Variants in RNF6 observed in about 807,000 individuals in gnomAD.
The protein encoded by RNF6 is ring finger protein 6.
Under a neutral mutation model 50.1 loss-of-function variants are expected in RNF6, and 21 were observed. That is an observed-to-expected ratio of 0.42 (90% CI 0.30 to 0.60). The LOEUF (loss-of-function observed/expected upper bound fraction) is 0.60. Ranked by LOEUF, RNF6 falls within the 20% of genes least tolerant of loss-of-function variation. The pLI is 0.20. For synonymous variants in RNF6, 255 were observed against 291.8 expected, an observed-to-expected ratio of 0.87 and a Z score of 1.29; for missense variants, 698 against 838.2, an observed-to-expected ratio of 0.83 and a Z score of 2.07.
At position 26,180,011 on chromosome 13, in the gene RNF6, G is replaced by A. The variant is rs887697498; in HGVS notation, n.768+35463C>T. Among the ~76,000 whole-genome samples, 8 of 152,170 alleles carry A rather than the reference G, an allele frequency of 5.3e-5. No homozygotes were observed. In the South Asian group the frequency reaches 6.2e-4, roughly 12 times the overall value. ...GCGACCCTGCTTCTGGGCCTCTTCC[G>A]CTTGTGTCCCTATAAGCCTGAGGTG... On this transcript the variant is annotated intron_variant and non_coding_transcript_variant, in intron 5 of 5. Coordinates refer to the RNF6 transcript ENST00000468480.
chr13:26,218,625 G>A lies in RNF6; in HGVS notation c.194-19C>T, dbSNP rs1465289605. On this transcript the variant is annotated intron_variant, in intron 3 of 4. Transcript: ENST00000381588. Reference sequence around the variant, plus strand: ...ATTTCTCCTAAAACAATGAAAAACTGCTCATTTAAGAATTCTGAATTAAGT... The same window carrying A: ...ATTTCTCCTAAAACAATGAAAAACTACTCATTTAAGAATTCTGAATTAAGT... 1 of 1,594,966 alleles carries A rather than the reference G, an allele frequency of 6.3e-7. No homozygotes were observed. The highest frequency in any genetic ancestry group is 8.6e-7 in the Non-Finnish European group (1 of 1,163,208).
chr13:26,188,301 C>T (rs934636746), intron 5 of RNF6, among the ~76,000 whole-genome samples: 11 of 152,158 alleles, frequency 7.2e-5, no homozygotes, highest in Non-Finnish European at 1.5e-4. Context: ...CAATATCCCT[C>T]CCCTTCTACC....
At chr13:26,138,301 CA>C (rs1021487972) in intron 5 of RNF6, among the ~76,000 whole-genome samples, 4 of 152,160 alleles carry the variant, frequency 2.6e-5, no homozygotes, top group African/African-American at 9.6e-5. Context: ...CCCAAATAAA[CA>C]AAAACTGAGA....
rs1869502415 is a variant in RNF6 at position 26,213,819 on chromosome 13, T to C, written c.*5A>G. Reference sequence around the variant, plus strand: ...AAAAACAGTATTTGAGTAGATCCCATCACCTTACCCATTGTTTGCTATGTT... The same window carrying C: ...AAAAACAGTATTTGAGTAGATCCCACCACCTTACCCATTGTTTGCTATGTT... On this transcript the variant is annotated 3_prime_UTR_variant, in exon 5 of 5. Transcript: ENST00000381588. 19 of 1,591,458 alleles carry C rather than the reference T, an allele frequency of 1.2e-5. No homozygotes were observed. Among genetic ancestry groups the C allele is most frequent in the Non-Finnish European group, 1.6e-5 (19 of 1,166,702 alleles).
chr13:26,181,351 G>A (rs1197280527), intron 5 of RNF6, among the ~76,000 whole-genome samples: 1 of 152,218 alleles, frequency 6.6e-6, no homozygotes, highest in Non-Finnish European at 1.5e-5. Context: ...GCAGGCAGAG[G>A]CCGATCAGGC....
At chr13:26,163,527 G>A (rs559054109) in intron 5 of RNF6, among the ~76,000 whole-genome samples, 79 of 152,108 alleles carry the variant, frequency 5.2e-4, no homozygotes, top group Non-Finnish European at 9.3e-4. Flanking sequence ...TTACATCTAA[G>A]AATGAAGATA....
intron 5 of RNF6, among the ~76,000 whole-genome samples, chr13:26,158,552 T>C (rs1370319205): frequency 6.6e-6 from 1 of 152,212 alleles, no homozygotes; most frequent in Non-Finnish European, 1.5e-5. Flanking sequence ...AAGAAAAGTA[T>C]GATAATTATT....
intron 5 of RNF6, among the ~76,000 whole-genome samples, chr13:26,184,030 T>A (rs1459670844): frequency 2.7e-3 from 287 of 107,366 alleles, no homozygotes; most frequent in South Asian, 5.6e-3. Context: ...TTTTTTTTTT[T>A]TTTTTTTTTT....
At chr13:26,202,035 C>T (rs1396070370) in intron 5 of RNF6, among the ~76,000 whole-genome samples, 1 of 152,068 alleles carries the variant, frequency 6.6e-6, no homozygotes, top group East Asian at 1.9e-4. Flanking sequence ...GCCACTAGGC[C>T]CTTATTCTGA....
At chr13:26,211,131 C>T (rs1461176466), downstream of RNF6, among the ~76,000 whole-genome samples, 1 of 152,194 alleles carries the variant, frequency 6.6e-6, no homozygotes, top group African/African-American at 2.4e-5. Context: ...TATTTGTCAT[C>T]AGCCTTGTTT....
intron 5 of RNF6, among the ~76,000 whole-genome samples, chr13:26,172,654 C>T (rs1872753138): frequency 6.6e-6 from 1 of 152,022 alleles, no homozygotes; most frequent in African/African-American, 2.4e-5. Context: ...CGCCATTGTC[C>T]TGCCTCAGCC....
chr13:26,132,221 C>A (rs1407276507), exon 6 of RNF6: 4 of 274,336 alleles, frequency 1.5e-5, no homozygotes, highest in Non-Finnish European at 2.9e-5. Flanking sequence ...ACAATATGAA[C>A]AAGTACAATG....
intron 5 of RNF6, among the ~76,000 whole-genome samples, chr13:26,147,317 G>T (rs1871302689): frequency 1.3e-5 from 2 of 152,214 alleles, no homozygotes; most frequent in Admixed American, 6.5e-5. Context: ...ACAAAGAGAG[G>T]TGATGGGGAA....
chr13:26,148,632 T>TTATATATATATATATATATATA (rs57373126), intron 5 of RNF6, among the ~76,000 whole-genome samples: 1 of 47,066 alleles, frequency 2.1e-5, no homozygotes, highest in Non-Finnish European at 3.7e-5. Flanking sequence ...ATAAATCTCT[T>TTATATATATATATATATATATA]TATATATATA....
intron 5 of RNF6, among the ~76,000 whole-genome samples, chr13:26,182,229 T>A (rs1263480466): frequency 2.0e-5 from 3 of 152,254 alleles, no homozygotes; most frequent in African/African-American, 7.2e-5. Flanking sequence ...GATTGAAATG[T>A]GGTGTTTCAC....
intron 5 of RNF6, among the ~76,000 whole-genome samples, chr13:26,186,571 G>A (rs1415688520): frequency 6.6e-6 from 1 of 152,212 alleles, no homozygotes; most frequent in Non-Finnish European, 1.5e-5. Flanking sequence ...CGCGCACACC[G>A]CCAGCGCGGA....
At chr13:26,165,642 G>A (rs1345459480) in intron 5 of RNF6, among the ~76,000 whole-genome samples, 1 of 152,216 alleles carries the variant, frequency 6.6e-6, no homozygotes, top group Non-Finnish European at 1.5e-5. Context: ...AGCTTGACCT[G>A]TATGTGAAAC....
intron 5 of RNF6, among the ~76,000 whole-genome samples, chr13:26,148,651 TATATATATATATATATATATGA>T (rs1339568024): frequency 7.7e-6 from 1 of 129,350 alleles, no homozygotes; most frequent in African/African-American, 2.8e-5. Flanking sequence ...TATATATATA[TATATATATATATATATATATGA>T]GGGAGATATA....
intron 5 of RNF6, among the ~76,000 whole-genome samples, chr13:26,179,847 G>A (rs1873147573): frequency 6.6e-6 from 1 of 152,180 alleles, no homozygotes; most frequent in African/African-American, 2.4e-5. Flanking sequence ...CACTTCACTA[G>A]GCCCAGGAGG....
Sources: gnomAD v4.1 joint callset for allele counts (sites outside exome capture counted in the v4.1 genomes callset) on GRCh38, gnomAD v4.1.1 for gene constraint, MANE v1.5 for transcripts, NCBI Gene and HGNC (gene_info 2026-07-23, HGNC 2026-07-21) for gene names.